Variants in CRTAC1 observed in about 807,000 individuals in gnomAD.
CRTAC1 encodes cartilage acidic protein 1, also known as acidic secreted protein in cartilage.
CRTAC1 carries 37 observed loss-of-function variants against 67.8 expected under a neutral mutation model. The observed-to-expected ratio is 0.55, with a 90% CI of 0.42 to 0.72. The LOEUF is 0.72. CRTAC1 is among the 30% of genes least tolerant of loss of function. The pLI is 0.00. For synonymous variants in CRTAC1, 348 were observed against 371.0 expected, an observed-to-expected ratio of 0.94 and a Z score of 0.71; for missense variants, 780 against 931.6, an observed-to-expected ratio of 0.84 and a Z score of 2.12.
chr10:97,885,772 G>T (rs1162780274), intron 11 of CRTAC1, among the ~76,000 whole-genome samples: 3 of 152,196 alleles, frequency 2.0e-5, no homozygotes, highest in African/African-American at 7.2e-5. Flanking sequence ...CATCAGGGCT[G>T]AGCAGATGTG....
At chr10:97,957,524 CAAG>C (rs2051459539) in intron 2 of CRTAC1, among the ~76,000 whole-genome samples, 1 of 152,100 alleles carries the variant, frequency 6.6e-6, no homozygotes, top group South Asian at 2.1e-4. Context: ...ATGAGAAAAC[CAAG>C]GCTCAGCAAG....
intron 14 of CRTAC1, among the ~76,000 whole-genome samples, chr10:97,877,232 A>G (rs577899501): frequency 6.6e-6 from 1 of 152,270 alleles, no homozygotes; most frequent in African/African-American, 2.4e-5. Context: ...AATTCAGCTC[A>G]ACTTTTTAGA....
intron 3 of CRTAC1, among the ~76,000 whole-genome samples, chr10:97,932,645 G>T (rs2051019851): frequency 6.6e-6 from 1 of 152,136 alleles, no homozygotes; most frequent in African/African-American, 2.4e-5. Flanking sequence ...TCAGGCAGAG[G>T]GAACAGCAAG....
intron 3 of CRTAC1, among the ~76,000 whole-genome samples, chr10:97,924,297 C>G (rs75360264): frequency 6.6e-6 from 1 of 152,284 alleles, no homozygotes; most frequent in East Asian, 1.9e-4. Flanking sequence ...TGCAAGACCC[C>G]GAATGTTCGT....
At chr10:97,944,925 G>T (rs975246120) in intron 2 of CRTAC1, among the ~76,000 whole-genome samples, 1 of 152,224 alleles carries the variant, frequency 6.6e-6, no homozygotes, top group African/African-American at 2.4e-5. Flanking sequence ...CTCACTGACA[G>T]CTGAATGCAG....
At chr10:97,979,414 C>A (rs1186767642) in intron 2 of CRTAC1, among the ~76,000 whole-genome samples, 1 of 152,192 alleles carries the variant, frequency 6.6e-6, no homozygotes, top group Non-Finnish European at 1.5e-5. Flanking sequence ...AAGCTCTGGT[C>A]TAGGCAGCAC....
rs529012206 is a variant in CRTAC1 at position 97,880,410 on chromosome 10, C to T, written c.1676-18G>A. ...ATTGGTGTCTGCAAGGCGAGGGGAACCACTCACCATGAAGGTGTGGGGCAG... is the reference window on the plus strand; with the variant it reads ...ATTGGTGTCTGCAAGGCGAGGGGAATCACTCACCATGAAGGTGTGGGGCAG... On this transcript the variant is annotated intron_variant, in intron 13 of 14. Transcript: ENST00000370597. 2 of 1,610,420 alleles carry T rather than the reference C, an allele frequency of 1.2e-6. No individual in the cohort carries two copies. The highest frequency in any genetic ancestry group is 1.7e-5 in the Admixed American group (1 of 59,942).
At chr10:97,896,746 C>G (rs2050465043) in intron 9 of CRTAC1, among the ~76,000 whole-genome samples, 163 bp downstream of exon 9, 1 of 152,164 alleles carries the variant, frequency 6.6e-6, no homozygotes, top group Non-Finnish European at 1.5e-5. Context: ...CAGGGTTCTC[C>G]CATCTCCACT....
In CRTAC1 at chr10:97,886,647, T is replaced by C. The variant is rs570301676; in HGVS notation, c.1487-2296A>G. On this transcript the variant is annotated intron_variant, in intron 11 of 14. Coordinates refer to ENST00000370597, the MANE Select transcript of CRTAC1 (RefSeq NM_018058.7). ...CCAACTACAGATTTTTTTTTCTTTT[T>C]TCTTTTTTTTTTTTTGAGATAGTAT... Among the ~76,000 whole-genome samples, 14 of 21,568 alleles carry C rather than the reference T, an allele frequency of 6.5e-4. 1 individual carries two copies. In the Admixed American group the frequency reaches 0.013, roughly 19 times the overall value. 14.1% of individuals were successfully genotyped at this position (21,568 alleles called of 152,430 possible). A position where few individuals can be genotyped will look rare whatever the true frequency, so the allele number is the denominator to read the frequency against.
intron 7 of CRTAC1, among the ~76,000 whole-genome samples, chr10:97,902,352 T>C (rs933879234): frequency 2.0e-5 from 3 of 152,244 alleles, no homozygotes; most frequent in Non-Finnish European, 4.4e-5. Flanking sequence ...TACCTGTAGC[T>C]GTGGATTTGG....
intron 14 of CRTAC1, 67 bp from the exon 15 acceptor site, chr10:97,865,781 C>T: frequency 1.4e-6 from 2 of 1,477,416 alleles, no homozygotes; most frequent in Non-Finnish European, 1.8e-6. Context: ...ACCAGAGCAC[C>T]CGCTTCTGAG....
intron 11 of CRTAC1, among the ~76,000 whole-genome samples, chr10:97,885,713 G>T (rs984173109): frequency 6.6e-6 from 1 of 152,154 alleles, no homozygotes; most frequent in East Asian, 1.9e-4. Flanking sequence ...CTGGGAAGGA[G>T]AGCTGTGCCC....
chr10:98,023,018 A>G (rs569932245), intron 1 of CRTAC1, among the ~76,000 whole-genome samples: 1 of 152,162 alleles, frequency 6.6e-6, no homozygotes, highest in Non-Finnish European at 1.5e-5. Flanking sequence ...TCCCAGATAT[A>G]TATTTGTGAT....
chr10:97,882,862 G>A, intron 12 of CRTAC1, 34 bp from the exon 13 acceptor site: 4 of 1,611,634 alleles, frequency 2.5e-6, no homozygotes, highest in African/African-American at 1.3e-5. Flanking sequence ...ACATGAGTGA[G>A]TTGAGAAGGT....
intron 2 of CRTAC1, among the ~76,000 whole-genome samples, chr10:97,943,244 A>C (rs1332481898): frequency 6.6e-6 from 1 of 152,186 alleles, no homozygotes; most frequent in Non-Finnish European, 1.5e-5. Flanking sequence ...CAAAAAGGGA[A>C]GAGGAAGCCG....
chr10:97,973,640 C>A (rs1223333620), intron 2 of CRTAC1, among the ~76,000 whole-genome samples: 1 of 152,142 alleles, frequency 6.6e-6, no homozygotes, highest in Non-Finnish European at 1.5e-5. Flanking sequence ...GCTTCCCAGC[C>A]CTTATGTTCT....
At chr10:97,943,636 A>G (rs2051213792) in intron 2 of CRTAC1, among the ~76,000 whole-genome samples, 1 of 152,294 alleles carries the variant, frequency 6.6e-6, no homozygotes, top group African/African-American at 2.4e-5. Flanking sequence ...TGGTCATTAG[A>G]TAAAATAAAT....
chr10:98,002,777 T>G (rs1215898187), intron 2 of CRTAC1, among the ~76,000 whole-genome samples: 3 of 109,846 alleles, frequency 2.7e-5, no homozygotes, highest in Non-Finnish European at 5.5e-5. Context: ...TTTTTTTTTT[T>G]TTTTTTTTTT....
At chr10:97,998,034 G>A (rs570744376) in intron 2 of CRTAC1, among the ~76,000 whole-genome samples, 1 of 152,226 alleles carries the variant, frequency 6.6e-6, no homozygotes, top group African/African-American at 2.4e-5. Flanking sequence ...GCAGTGGTGC[G>A]ATCTCGGCTC....
Sources: allele counts gnomAD v4.1 joint callset (sites outside exome capture counted in the v4.1 genomes callset), GRCh38; gene constraint gnomAD v4.1.1; transcripts MANE v1.5; gene names NCBI Gene and HGNC (gene_info 2026-07-23, HGNC 2026-07-21).